Variants in MICAL2 observed in about 807,000 individuals in gnomAD.
MICAL2 encodes the protein microtubule associated monooxygenase, calponin and LIM domain containing 2, also known as [F-actin]-monooxygenase MICAL2.
A neutral mutation model predicts 127.3 loss-of-function variants in MICAL2; 77 were observed. The observed-to-expected ratio is 0.60, with a 90% CI of 0.50 to 0.73. MICAL2 has a LOEUF of 0.73. MICAL2 is among the 30% of genes least tolerant of loss of function. The pLI is 0.00. For missense variants in MICAL2, 1,351 were observed against 1,434.4 expected, an observed-to-expected ratio of 0.94 and a Z score of 0.94; for synonymous variants, 570 against 551.1, an observed-to-expected ratio of 1.03 and a Z score of -0.48.
At chr11:12,181,317 A>G (rs558425813) in intron 3 of MICAL2, among the ~76,000 whole-genome samples, 27 of 152,334 alleles carry the variant, frequency 1.8e-4, no homozygotes, top group African/African-American at 5.8e-4. Flanking sequence ...TTTTATATTT[A>G]TGAATGTCTG....
Position 12,241,134 on chromosome 11 carries a change from C to T in MICAL2, c.2309C>T (p.Pro770Leu), listed in dbSNP as rs150298654. ...SCCPKPEEATPSPSPPLKRQF... is the reference protein window; with the variant it reads ...SCCPKPEEATLSPSPPLKRQF... ...TGCCCCAAGCCGGAGGAGGCCACAC[C>T]CAGCCCATCACCTCCTCTGAAAAGG... Residue 770 changes from proline to leucine, a missense_variant, in exon 18 of 28, where the codon CCC becomes CTC. This residue lies in a region of MICAL2 where 752 missense variants were observed against 719.4 expected (regional missense o/e 1.05). Transcript: ENST00000683283. The T allele has an allele frequency of 3.0e-3, 4,876 of 1,614,092 alleles. 7 individuals carry two copies. The highest frequency in any genetic ancestry group is 3.8e-3 in the Non-Finnish European group (4,459 of 1,179,982).
At position 12,198,898 on chromosome 11, in the gene MICAL2, C is replaced by T. The variant is rs60753358; in HGVS notation, c.265-5352C>T. 3.1e-3 allele frequency among the ~76,000 whole-genome samples: 474 copies of T among 152,298 alleles called. 2 individuals carry two copies. Among genetic ancestry groups the T allele is most frequent in the African/African-American group, 0.011 (455 of 41,574 alleles). ...AAGCTCAGGCTGGACCTGGCTTGCTCGTTCCTTGCAGAGCCCCTGTGAACC... is the reference window on the plus strand; with the variant it reads ...AAGCTCAGGCTGGACCTGGCTTGCTTGTTCCTTGCAGAGCCCCTGTGAACC... On this transcript the variant is annotated intron_variant, in intron 3 of 27. Coordinates refer to ENST00000683283, the MANE Select transcript of MICAL2 (RefSeq NM_001282663.2).
At chr11:12,194,366 C>A (rs1431790955) in intron 3 of MICAL2, among the ~76,000 whole-genome samples, 2 of 152,182 alleles carry the variant, frequency 1.3e-5, no homozygotes, top group Non-Finnish European at 2.9e-5. Flanking sequence ...ACAGGCCTGG[C>A]ATGTAGTAAA....
Position 12,260,458 on chromosome 11 carries a change from A to AT in MICAL2, c.3334+568dup, listed in dbSNP as rs1012239897. On this transcript the variant is annotated intron_variant, in intron 26 of 27. Transcript: ENST00000683283. Reference sequence around the variant, plus strand: ...TAATTTTAATTAGCCCAGAGAAAGCATTTTTTTCTATGAGTGTCAATTTTT... The same window carrying AT: ...TAATTTTAATTAGCCCAGAGAAAGCATTTTTTTTCTATGAGTGTCAATTTTT... 3.9e-5 allele frequency: 45 copies of AT among 1,149,134 alleles called. No homozygotes were observed. The African/African-American group carries it at 6.1e-4, about 16-fold the overall frequency. 71.2% of individuals were successfully genotyped at this position (1,149,134 alleles called of 1,614,324 possible). A position where few individuals can be genotyped will look rare whatever the true frequency, so the allele number is the denominator to read the frequency against.
At chr11:12,152,297 C>CAAAAAAAAAAAAAAAAAAAAAA in intron 2 of MICAL2, among the ~76,000 whole-genome samples, 1 of 38,396 alleles carries the variant, frequency 2.6e-5, no homozygotes, top group Non-Finnish European at 4.4e-5. Context: ...GACTCTGTCT[C>CAAAAAAAAAAAAAAAAAAAAAA]AAAAAAAAAA....
chr11:12,242,791 G>C lies in MICAL2; in HGVS notation c.2658+19G>C, dbSNP rs539438855. On this transcript the variant is annotated intron_variant, in intron 20 of 27. Transcript: ENST00000683283. ...CCCGCAGGTAAACATGGGGCTTTCAGAGCCCCCAGGAACCTGATGCTGGAC... is the reference window on the plus strand; with the variant it reads ...CCCGCAGGTAAACATGGGGCTTTCACAGCCCCCAGGAACCTGATGCTGGAC... 1.2e-5 allele frequency: 19 copies of C among 1,567,270 alleles called. No homozygotes were observed. In the East Asian group the frequency reaches 4.1e-4, roughly 34 times the overall value.
At chr11:12,333,765 C>T (rs1938692776) in intron 32 of MICAL2, among the ~76,000 whole-genome samples, 1 of 152,030 alleles carries the variant, frequency 6.6e-6, no homozygotes, top group Non-Finnish European at 1.5e-5. Context: ...ATAAAGATAT[C>T]ACTTACATTA....
At chr11:12,294,439 T>C (rs1565296812), downstream of MICAL2, 1 of 1,614,200 alleles carries the variant, frequency 6.2e-7, no homozygotes, top group Non-Finnish European at 8.5e-7. Context: ...CCTCAGCCTT[T>C]AGCCCTCCTG....
At position 12,222,601 on chromosome 11, in the gene MICAL2, C is replaced by T; in HGVS notation, c.1323-16C>T. The T allele has an allele frequency of 6.2e-7, 1 of 1,614,172 alleles. No homozygotes were observed. ...GCAAAAGTGATCCCTGACCTCCAGGCTCCGCCTCCCTCCAGGGAAAGTCTC... is the reference window on the plus strand; with the variant it reads ...GCAAAAGTGATCCCTGACCTCCAGGTTCCGCCTCCCTCCAGGGAAAGTCTC... On this transcript the variant is annotated splice_polypyrimidine_tract_variant and intron_variant, in intron 10 of 27. Transcript: ENST00000683283.
downstream of MICAL2, among the ~76,000 whole-genome samples, chr11:12,290,077 G>T (rs149550468): frequency 5.1e-4 from 78 of 152,278 alleles, no homozygotes; most frequent in African/African-American, 1.7e-3. Flanking sequence ...GGAAGGGTAG[G>T]TTTCTCATCA....
chr11:12,277,451 C>T (rs1229534841), intron 1 of MICAL2, among the ~76,000 whole-genome samples: 6 of 152,152 alleles, frequency 3.9e-5, no homozygotes, highest in South Asian at 2.1e-4. Context: ...ATAATTGCAA[C>T]CATCTTTGCA....
chr11:12,199,314 G>A (rs1455518889), intron 3 of MICAL2, among the ~76,000 whole-genome samples: 2 of 152,108 alleles, frequency 1.3e-5, no homozygotes, highest in South Asian at 2.1e-4. Flanking sequence ...GCCAGGCACC[G>A]TGCAGTTAGG....
intron 1 of MICAL2, among the ~76,000 whole-genome samples, chr11:12,280,669 C>T (rs1304826247): frequency 1.3e-5 from 2 of 152,236 alleles, no homozygotes; most frequent in African/African-American, 4.8e-5. Flanking sequence ...CTAACAACCT[C>T]ATTTTACCTT....
intron 3 of MICAL2, among the ~76,000 whole-genome samples, chr11:12,190,744 C>G (rs1041904991): frequency 6.6e-6 from 1 of 152,218 alleles, no homozygotes; most frequent in African/African-American, 2.4e-5. Flanking sequence ...TGATTAATAG[C>G]ATGAGTCCAG....
rs562569389 is a variant in MICAL2, at chr11:12,228,850, C to G, written c.1995+1719C>G. On this transcript the variant is annotated intron_variant, in intron 15 of 27. Transcript: ENST00000683283. ...TGGAGTGGGGAGTTCCTGGGGTGGT[C>G]AGTGGGAGCAGAGGAGAGAAGATGG... is the stretch of plus-strand genomic sequence containing the variant. Among the ~76,000 whole-genome samples the G allele has an allele frequency of 2.5e-3, 375 of 152,108 alleles. 2 individuals are homozygous for G. Among genetic ancestry groups the G allele is most frequent in the African/African-American group, 8.3e-3 (346 of 41,488 alleles).
Position 12,223,291 on chromosome 11 carries a change from C to G in MICAL2, c.1450-120C>G, listed in dbSNP as rs144717867. The G allele has an allele frequency of 6.7e-4, 557 of 830,202 alleles. 5 individuals are homozygous for G. The African/African-American group carries it at 8.4e-3, about 12-fold the overall frequency. 51.4% of individuals were successfully genotyped at this position (830,202 alleles called of 1,614,324 possible). ...CTGCGTTCCCTTGCCGAAGGTCATG[C>G]CTCCCAGCAGTAGAGGAAAATGGTG... On this transcript the variant is annotated intron_variant, in intron 11 of 27. Coordinates refer to ENST00000683283, the MANE Select transcript of MICAL2 (RefSeq NM_001282663.2).
At chr11:12,261,560 G>T in intron 26 of MICAL2, 1 of 985,522 alleles carries the variant, frequency 1.0e-6, no homozygotes, top group Non-Finnish European at 1.2e-6. Flanking sequence ...ATCTGGAGTT[G>T]CTGGGCCCAA....
At position 12,331,891 on chromosome 11, in the gene MICAL2, A is replaced by G. The variant is rs1404834577; in HGVS notation, c.5515+4625A>G. On this transcript the variant is annotated intron_variant, in intron 32 of 34. Transcript: ENST00000646065. Reference sequence around the variant, plus strand: ...ATTATAAAACACAGCTGGATGGTCAATGACTTCTCAAATTGTATTTATTTG... The same window carrying G: ...ATTATAAAACACAGCTGGATGGTCAGTGACTTCTCAAATTGTATTTATTTG... 7.9e-5 allele frequency among the ~76,000 whole-genome samples: 12 copies of G among 152,318 alleles called. No homozygotes were observed. The East Asian group carries it at 1.2e-3, about 15-fold the overall frequency.
At chr11:12,343,509 G>T (rs1038825760) in intron 32 of MICAL2, among the ~76,000 whole-genome samples, 1 of 151,572 alleles carries the variant, frequency 6.6e-6, no homozygotes, top group Non-Finnish European at 1.5e-5. Flanking sequence ...GTCAAGTACA[G>T]TGTCAAGGGG....
Sources: gnomAD v4.1 joint callset for allele counts (sites outside exome capture counted in the v4.1 genomes callset) on GRCh38, gnomAD v4.1.1 for gene constraint, gnomAD v4.1.1 regional missense constraint, MANE v1.5 for transcripts, NCBI Gene and HGNC (gene_info 2026-07-23, HGNC 2026-07-21) for gene names.